Variants in FGF18 observed in about 807,000 individuals in gnomAD.
The protein encoded by FGF18 is fibroblast growth factor 18.
In FGF18, 5 loss-of-function variants were observed where a neutral mutation model predicts 23.0. That is an observed-to-expected ratio of 0.22 (90% CI 0.11 to 0.46). The LOEUF (loss-of-function observed/expected upper bound fraction) is 0.46, where lower values mean the gene tolerates loss of function less well. Ranked by LOEUF, FGF18 falls within the 20% of genes least tolerant of loss-of-function variation. FGF18 has a pLI of 0.99. For missense variants in FGF18, 180 were observed against 291.6 expected, an observed-to-expected ratio of 0.62 and a Z score of 2.79; for synonymous variants, 117 against 118.9, an observed-to-expected ratio of 0.98 and a Z score of 0.10.
rs1467581874 is a variant in FGF18, at chr5:171,451,579, G to C, written c.357+2326G>C. On this transcript the variant is annotated intron_variant, in intron 4 of 4. Transcript: ENST00000274625. The surrounding 1 kb of genome is among the most constrained non-coding windows in gnomAD (Gnocchi z 4.5). ...CTGCATCTCCAGGCCTTTCCCCGCT[G>C]CCCACCTTCGGCTTTCTACAGCACA... Among the ~76,000 whole-genome samples the C allele has an allele frequency of 6.6e-6, 1 of 152,166 alleles. No individual in the cohort carries two copies. The highest frequency in any genetic ancestry group is 1.5e-5 in the Non-Finnish European group (1 of 68,028).
At chr5:171,425,062 G>T (rs1339044766) in intron 2 of FGF18, among the ~76,000 whole-genome samples, 1 of 152,254 alleles carries the variant, frequency 6.6e-6, no homozygotes, top group African/African-American at 2.4e-5. Flanking sequence ...CCCAAAGGGA[G>T]ACTAGAGGGG....
At chr5:171,445,722 G>A (rs1772409077) in intron 3 of FGF18, among the ~76,000 whole-genome samples, 1 of 152,092 alleles carries the variant, frequency 6.6e-6, no homozygotes, top group African/African-American at 2.4e-5. Context: ...ATGGATGGGG[G>A]TGAGAGTGGC....
At chr5:171,422,140 G>A (rs368058692) in intron 2 of FGF18, among the ~76,000 whole-genome samples, 13 of 152,208 alleles carry the variant, frequency 8.5e-5, no homozygotes, top group African/African-American at 3.1e-4. Context: ...TCTTCTTGAA[G>A]TAGGGCCCAG....
At chr5:171,432,689 C>CA (rs1256112691) in intron 2 of FGF18, among the ~76,000 whole-genome samples, 1 of 152,210 alleles carries the variant, frequency 6.6e-6, no homozygotes, top group Non-Finnish European at 1.5e-5. Context: ...CTCGGCCTTC[C>CA]AAAGTGCTGA....
At chr5:171,427,457 C>T (rs1301768425) in intron 2 of FGF18, among the ~76,000 whole-genome samples, 1 of 152,178 alleles carries the variant, frequency 6.6e-6, no homozygotes, top group African/African-American at 2.4e-5. Context: ...GGAGCACAGG[C>T]TTTGGACTTA....
chr5:171,455,301 C>T (rs1415487902), intron 4 of FGF18, among the ~76,000 whole-genome samples: 1 of 152,162 alleles, frequency 6.6e-6, no homozygotes, highest in Non-Finnish European at 1.5e-5. Flanking sequence ...TTTTTGGAGG[C>T]CCCACCTTTC....
At position 171,456,917 on chromosome 5, in the gene FGF18, A is replaced by G; in HGVS notation, c.*112A>G. ...TAAGGAAGAAGCTCTATTTTTGTAC[A>G]TTGTGTTTAAAAGAAGACAAAAACT... On this transcript the variant is annotated 3_prime_UTR_variant, in exon 5 of 5. Coordinates refer to ENST00000274625, the MANE Select transcript of FGF18 (RefSeq NM_003862.3). The surrounding 1 kb of genome is among the most constrained non-coding windows in gnomAD (Gnocchi z 6.1). 2.2e-6 allele frequency: 3 copies of G among 1,344,092 alleles called. No homozygotes were observed. Among genetic ancestry groups the G allele is most frequent in the Non-Finnish European group, 2.0e-6 (2 of 997,820 alleles). 83.3% of individuals were successfully genotyped at this position (1,344,092 alleles called of 1,614,324 possible). A position where few individuals can be genotyped will look rare whatever the true frequency, so the allele number is the denominator to read the frequency against.
intron 4 of FGF18, among the ~76,000 whole-genome samples, chr5:171,454,914 C>G (rs1030471201): frequency 6.6e-6 from 1 of 152,252 alleles, no homozygotes; most frequent in Non-Finnish European, 1.5e-5. Context: ...AACACCCTGC[C>G]TCCTCACCAC....
In FGF18 at chr5:171,420,115, CGGCGGCGGA is replaced by C; in HGVS notation, c.-80_-72del. On this transcript the variant is annotated 5_prime_UTR_variant, in exon 1 of 5. Coordinates refer to ENST00000274625, the MANE Select transcript of FGF18 (RefSeq NM_003862.3). ...GCAGCAGCGGCGGCGGCGGCGGCGG[CGGCGGCGGA>C]GGCGCCCGGTCCCGGCCGCGCGGAG... The C allele has an allele frequency of 2.5e-6, 3 of 1,181,476 alleles. No homozygotes were observed. The highest frequency in any genetic ancestry group is 3.2e-6 in the Non-Finnish European group (3 of 927,862). The allele number at this position is 1,181,476 out of a possible 1,614,324, so 73.2% of individuals were successfully genotyped here. A position where few individuals can be genotyped will look rare whatever the true frequency, so the allele number is the denominator to read the frequency against.
At position 171,436,376 on chromosome 5, in the gene FGF18, G is replaced by A. The variant is rs1220147878; in HGVS notation, c.250+103G>A. On this transcript the variant is annotated intron_variant, in intron 3 of 4. Transcript: ENST00000274625. The surrounding 1 kb of genome is among the most constrained non-coding windows in gnomAD (Gnocchi z 4.4). ...TGCCAGCCTTGCTGCTCCTGGCTGT[G>A]TGATCTTGGACCTGGCACTGACCCT... 11 of 999,128 alleles carry A rather than the reference G, an allele frequency of 1.1e-5. No individual in the cohort carries two copies. The highest frequency in any genetic ancestry group is 1.4e-5 in the Non-Finnish European group (10 of 726,446). The allele number at this position is 999,128 out of a possible 1,614,324, so 61.9% of individuals were successfully genotyped here.
intron 3 of FGF18, among the ~76,000 whole-genome samples, chr5:171,441,141 C>T (rs1344059072): frequency 6.6e-6 from 1 of 152,130 alleles, no homozygotes; most frequent in African/African-American, 2.4e-5. Flanking sequence ...GGGAGGGAGT[C>T]CTCTCGTCCC....
At chr5:171,445,143 C>A (rs143039550) in intron 3 of FGF18, among the ~76,000 whole-genome samples, 1 of 152,114 alleles carries the variant, frequency 6.6e-6, no homozygotes, top group Non-Finnish European at 1.5e-5. Flanking sequence ...GGCAAAGCAG[C>A]CTCCAGGCAG....
At chr5:171,444,177 G>A (rs978643041) in intron 3 of FGF18, among the ~76,000 whole-genome samples, 2 of 152,128 alleles carry the variant, frequency 1.3e-5, no homozygotes, top group Non-Finnish European at 2.9e-5. Context: ...ACTAACTTCT[G>A]CCCAAAGAAA....
At chr5:171,439,731 G>A (rs1213971813) in intron 3 of FGF18, among the ~76,000 whole-genome samples, 2 of 152,170 alleles carry the variant, frequency 1.3e-5, no homozygotes, top group Non-Finnish European at 2.9e-5. Context: ...GATGGGGAAG[G>A]CACCAACTCC....
Position 171,434,433 on chromosome 5 carries a change from C to T in FGF18, c.70-1660C>T, listed in dbSNP as rs11738946. On this transcript the variant is annotated intron_variant, in intron 2 of 4. Coordinates refer to ENST00000274625, the MANE Select transcript of FGF18 (RefSeq NM_003862.3). This position sits in a 1 kb window ranked among gnomAD's most constrained non-coding sequence, Gnocchi z 4.6. ...ACACATCCCTGCCCTTGGGAGCTCA[C>T]AGCTGAGAGGTGAGACAGATGTTTG... is the stretch of plus-strand genomic sequence containing the variant. Among the ~76,000 whole-genome samples, 17,194 of 152,258 alleles carry T rather than the reference C, an allele frequency of 0.11. 1,208 individuals carry two copies. Among genetic ancestry groups the T allele is most frequent in the Non-Finnish European group, 0.16 (10,772 of 68,008 alleles).
At chr5:171,427,767 A>C (rs188050980) in intron 2 of FGF18, among the ~76,000 whole-genome samples, 1 of 152,336 alleles carries the variant, frequency 6.6e-6, no homozygotes, top group Admixed American at 6.5e-5. Flanking sequence ...TTCCCCATGA[A>C]GAGATGGCAC....
At chr5:171,453,317 T>C (rs1561892032) in intron 4 of FGF18, among the ~76,000 whole-genome samples, 1 of 152,188 alleles carries the variant, frequency 6.6e-6, no homozygotes, top group African/African-American at 2.4e-5. Context: ...CAGGGCTGGT[T>C]CCCAAGATTC....
Position 171,449,138 on chromosome 5 carries a change from C to T in FGF18, c.251-9C>T, listed in dbSNP as rs771665409. On this transcript the variant is annotated splice_polypyrimidine_tract_variant and intron_variant, in intron 3 of 4. Transcript: ENST00000274625. ...AAAATGTGTCTTGTTCTCCTTCTGCCTTTCGAAGCCCAGCTCCTAGTGGAG... is the reference window on the plus strand; with the variant it reads ...AAAATGTGTCTTGTTCTCCTTCTGCTTTTCGAAGCCCAGCTCCTAGTGGAG... 4 of 1,605,798 alleles carry T rather than the reference C, an allele frequency of 2.5e-6. No individual in the cohort carries two copies. Among genetic ancestry groups the T allele is most frequent in the Admixed American group, 1.7e-5 (1 of 59,980 alleles).
intron 3 of FGF18, among the ~76,000 whole-genome samples, chr5:171,444,408 C>A (rs1464912685): frequency 1.3e-5 from 2 of 152,186 alleles, no homozygotes; most frequent in Admixed American, 6.5e-5. Flanking sequence ...ATAGTTCTAA[C>A]CTCCTGGGAT....
Sources: gnomAD v4.1 joint callset for allele counts (sites outside exome capture counted in the v4.1 genomes callset) on GRCh38, gnomAD v4.1.1 for gene constraint, Gnocchi (gnomAD v3.1) non-coding constraint, MANE v1.5 for transcripts, NCBI Gene and HGNC (gene_info 2026-07-23, HGNC 2026-07-21) for gene names.